Variants in PIK3CD observed in about 807,000 individuals in gnomAD.
PIK3CD encodes the protein phosphatidylinositol 4,5-bisphosphate 3-kinase catalytic subunit delta isoform.
PIK3CD carries 20 observed loss-of-function variants against 122.9 expected under a neutral mutation model. The observed-to-expected ratio is 0.16, with a 90% CI of 0.11 to 0.24. The LOEUF (loss-of-function observed/expected upper bound fraction) is 0.24, where lower values mean the gene tolerates loss of function less well. PIK3CD is among the 10% of genes least tolerant of loss of function. PIK3CD has a pLI of 1.00. For missense variants in PIK3CD, 787 were observed against 1,406.3 expected (o/e 0.56, Z 7.04); for synonymous variants, 596 against 593.4 (o/e 1.00, Z -0.06).
chr1:9,628,530 A>G, the PIK3CD span, among the ~76,000 whole-genome samples: 1 of 152,218 alleles, frequency 6.6e-6, no homozygotes, highest in African/African-American at 2.4e-5. Flanking sequence ...GCAACGCCAG[A>G]GCCTTCTGGG....
rs575752094 is a variant in PIK3CD at position 9,705,676 on chromosome 1, C to T, written c.-32-4748C>T. The stretch of plus-strand genomic sequence containing the variant: ...AGCATTAAAAAAGATTAAGTAACCC[C>T]ACAGGAAAATGGGCAAAGTTTATAG... On this transcript the variant is annotated intron_variant, in intron 2 of 23. Transcript: ENST00000377346. Among the ~76,000 whole-genome samples the T allele has an allele frequency of 9.0e-4, 137 of 152,176 alleles. 1 individual carries two copies. The highest frequency in any genetic ancestry group is 3.2e-3 in the African/African-American group (133 of 41,506).
At chr1:9,671,081 G>A (rs1184833446) in intron 1 of PIK3CD, among the ~76,000 whole-genome samples, 2 of 150,344 alleles carry the variant, frequency 1.3e-5, no homozygotes, top group African/African-American at 2.5e-5. Context: ...ATTTAGAAAC[G>A]AGTCTCACTC....
At chr1:9,633,130 G>A in the PIK3CD span, among the ~76,000 whole-genome samples, 1 of 152,152 alleles carries the variant, frequency 6.6e-6, no homozygotes, top group Admixed American at 6.5e-5. Flanking sequence ...CATAGTGCTG[G>A]GATTACAGGC....
At chr1:9,635,039 C>T in the PIK3CD span, among the ~76,000 whole-genome samples, 185 of 152,254 alleles carry the variant, frequency 1.2e-3, 5 homozygotes, top group South Asian at 0.037. Flanking sequence ...CGCCTGTAAT[C>T]CCAACACTTT....
At chr1:9,647,613 C>A (rs187536119), upstream of PIK3CD, among the ~76,000 whole-genome samples, 1 of 151,600 alleles carries the variant, frequency 6.6e-6, no homozygotes, top group Admixed American at 6.6e-5. Flanking sequence ...AAGGGATCCT[C>A]CTTCTACCTC....
the PIK3CD span, among the ~76,000 whole-genome samples, chr1:9,638,697 A>G: frequency 7.8e-6 from 1 of 128,126 alleles, no homozygotes; most frequent in Non-Finnish European, 1.6e-5. Flanking sequence ...GCACCACTGC[A>G]CTCCAGCCTG....
At chr1:9,634,324 G>A in the PIK3CD span, among the ~76,000 whole-genome samples, 1 of 151,952 alleles carries the variant, frequency 6.6e-6, no homozygotes, top group Admixed American at 6.6e-5. Flanking sequence ...AGCAGGCCTG[G>A]CTAATTTTTG....
intron 1 of PIK3CD, among the ~76,000 whole-genome samples, chr1:9,659,249 CA>C (rs1480886625): frequency 4.6e-5 from 7 of 152,062 alleles, no homozygotes; most frequent in African/African-American, 7.2e-5. Context: ...ATAGGTACAG[CA>C]AACCACCGTA....
At chr1:9,645,319 C>T in the PIK3CD span, among the ~76,000 whole-genome samples, 1 of 151,798 alleles carries the variant, frequency 6.6e-6, no homozygotes, top group East Asian at 1.9e-4. Context: ...GCTTGCCCAG[C>T]TTGAATGTTA....
rs781328697 is a variant in PIK3CD, at chr1:9,715,603, T to C, written c.204T>C (p.Tyr68=). ...ACATGCTCAGTGGCCCCGAGGCCTATGTGTTCACCTGCATCAACCAGACAG... is the reference window on the plus strand; with the variant it reads ...ACATGCTCAGTGGCCCCGAGGCCTACGTGTTCACCTGCATCAACCAGACAG... ...LFHMLSGPEA[Y]VFTCINQTAE... Residue 68 remains tyrosine, a synonymous_variant, in exon 4 of 24, where the codon TAT becomes TAC. Transcript: ENST00000377346. This position sits in a 1 kb window ranked among gnomAD's most constrained non-coding sequence, Gnocchi z 4.1. 2.5e-6 allele frequency: 4 copies of C among 1,613,878 alleles called. No individual in the cohort carries two copies. Among genetic ancestry groups the C allele is most frequent in the Non-Finnish European group, 3.4e-6 (4 of 1,180,050 alleles).
At chr1:9,711,449 A>G (rs1647049549) in intron 3 of PIK3CD, among the ~76,000 whole-genome samples, 1 of 152,178 alleles carries the variant, frequency 6.6e-6, no homozygotes, top group Non-Finnish European at 1.5e-5. Flanking sequence ...GCGTCCAATT[A>G]TTCCAATTTC....
In PIK3CD at chr1:9,727,353, C is replaced by G; in HGVS notation, c.*307C>G. On this transcript the variant is annotated 3_prime_UTR_variant, in exon 24 of 24. Coordinates refer to ENST00000377346, the MANE Select transcript of PIK3CD (RefSeq NM_005026.5). ...GGATCTGGGCCCAGCAAAGACTGTT[C>G]TCCTCCCGAGGGAACCTTCTTCCCA... is the stretch of plus-strand genomic sequence containing the variant. 1 of 470,536 alleles carries G rather than the reference C, an allele frequency of 2.1e-6. No homozygotes were observed. The highest frequency in any genetic ancestry group is 3.4e-5 in the Admixed American group (1 of 29,748). The allele number at this position is 470,536 out of a possible 1,614,324, so 29.1% of individuals were successfully genotyped here.
At chr1:9,651,348 G>T (rs1486682750), upstream of PIK3CD, among the ~76,000 whole-genome samples, 1 of 152,168 alleles carries the variant, frequency 6.6e-6, no homozygotes, top group Non-Finnish European at 1.5e-5. Flanking sequence ...GGCGCTTGGG[G>T]TCCCTGGGTG....
At chr1:9,648,758 C>A (rs1321777902), upstream of PIK3CD, among the ~76,000 whole-genome samples, 3 of 152,240 alleles carry the variant, frequency 2.0e-5, no homozygotes, top group Non-Finnish European at 4.4e-5. Context: ...TTCCTGGCTC[C>A]TCTGCAAGTG....
chr1:9,718,968 C>T lies in PIK3CD; in HGVS notation c.1242+53C>T, dbSNP rs1305500027. On this transcript the variant is annotated intron_variant, in intron 9 of 23. Transcript: ENST00000377346. The surrounding 1 kb of genome is among the most constrained non-coding windows in gnomAD (Gnocchi z 7.2). ...TGCAGACCCCGGAGAGCCAGTACAG[C>T]CCCTTGCTGGGCCACTCACCACTCT... 6.5e-7 allele frequency: 1 copy of T among 1,527,728 alleles called. No homozygotes were observed. Among genetic ancestry groups the T allele is most frequent in the South Asian group, 1.1e-5 (1 of 88,720 alleles). The allele number at this position is 1,527,728 out of a possible 1,614,324, so 94.6% of individuals were successfully genotyped here. A position where few individuals can be genotyped will look rare whatever the true frequency, so the allele number is the denominator to read the frequency against.
rs1646085269 is a variant in PIK3CD at position 9,689,070 on chromosome 1, G to A, written c.-137-2397G>A. On this transcript the variant is annotated intron_variant, in intron 1 of 23. Coordinates refer to ENST00000377346, the MANE Select transcript of PIK3CD (RefSeq NM_005026.5). The surrounding 1 kb of genome is among the most constrained non-coding windows in gnomAD (Gnocchi z 6.1). ...GAGCCCGGGCTGGCCAATTACTCGA[G>A]TGAGTCTGGCTCCGGCTCTGTGACC... Among the ~76,000 whole-genome samples, 1 of 152,252 alleles carries A rather than the reference G, an allele frequency of 6.6e-6. No individual in the cohort carries two copies. Among genetic ancestry groups the A allele is most frequent in the South Asian group, 2.1e-4 (1 of 4,836 alleles).
intron 1 of PIK3CD, among the ~76,000 whole-genome samples, chr1:9,657,518 C>T (rs1457279986): frequency 1.3e-5 from 2 of 152,058 alleles, no homozygotes; most frequent in Non-Finnish European, 2.9e-5. Flanking sequence ...CAGCCTCCTT[C>T]CTGCTTTCCG....
Position 9,717,609 on chromosome 1 carries a change from G to T in PIK3CD, c.1003G>T (p.Ala335Ser), listed in dbSNP as rs765798990. 1.2e-6 allele frequency: 2 copies of T among 1,614,100 alleles called. No individual in the cohort carries two copies. The highest frequency in any genetic ancestry group is 8.5e-7 in the Non-Finnish European group (1 of 1,180,014). ...IELIQGSKVN[A>S]DERMKLVVQA... The stretch of plus-strand genomic sequence containing the variant: ...GCTCATCCAGGGCAGCAAAGTGAAC[G>T]CCGACGAGCGGATGAAGGTGGGGCT... Residue 335 changes from alanine to serine, a missense_variant, in exon 8 of 24, where the codon GCC becomes TCC. Physicochemically the swap from Ala to Ser is moderately conservative, Grantham distance 99. Around this residue, in one of 6 missense-constraint regions of PIK3CD, gnomAD observed 592 missense variants for 920.6 expected, o/e 0.64. Transcript: ENST00000377346. This position sits in a 1 kb window ranked among gnomAD's most constrained non-coding sequence, Gnocchi z 5.4.
chr1:9,703,333 A>C (rs1242663466), intron 2 of PIK3CD, among the ~76,000 whole-genome samples: 1 of 152,126 alleles, frequency 6.6e-6, no homozygotes, highest in Non-Finnish European at 1.5e-5. Context: ...CAGGCCCCTG[A>C]TTGGCTGTGT....
Sources: allele counts gnomAD v4.1 joint callset (sites outside exome capture counted in the v4.1 genomes callset), GRCh38; gene constraint gnomAD v4.1.1; regional missense constraint gnomAD v4.1.1; non-coding constraint Gnocchi (gnomAD v3.1); transcripts MANE v1.5; gene names NCBI Gene and HGNC (gene_info 2026-07-23, HGNC 2026-07-21).